PCDHGB6: variants seen among roughly 807,000 people sequenced by gnomAD.
PCDHGB6 encodes protocadherin gamma-B6.
Under a neutral mutation model 59.1 loss-of-function variants are expected in PCDHGB6, and 51 were observed. The observed-to-expected ratio is 0.86, with a 90% CI of 0.69 to 1.09. The LOEUF is 1.09. Among genes scored for constraint, PCDHGB6 ranks in the 50% least tolerant of loss-of-function variants. The pLI is 0.00. For missense variants in PCDHGB6, 1,148 were observed against 1,205.1 expected, an observed-to-expected ratio of 0.95 and a Z score of 0.70; for synonymous variants, 466 against 495.1, an observed-to-expected ratio of 0.94 and a Z score of 0.78.
At chr5:141,458,563 G>T (rs1181785251) in intron 1 of PCDHGB6, among the ~76,000 whole-genome samples, 1 of 140,116 alleles carries the variant, frequency 7.1e-6, no homozygotes, top group Non-Finnish European at 1.5e-5. Context: ...TTTTGGTTTT[G>T]GGTTTTTGTT....
rs138463062 is a variant in PCDHGB6 at position 141,485,217 on chromosome 5, C to G, written c.2419-9590C>G. 6.8e-6 allele frequency: 11 copies of G among 1,613,996 alleles called. No individual in the cohort carries two copies. Among genetic ancestry groups the G allele is most frequent in the Non-Finnish European group, 9.3e-6 (11 of 1,179,978 alleles). ...AGCTGGACAGAAATCTGGCGGTGGGCTACCCTTTTGTTCCTCTTTTACCAC... is the reference window on the plus strand; with the variant it reads ...AGCTGGACAGAAATCTGGCGGTGGGGTACCCTTTTGTTCCTCTTTTACCAC... On this transcript the variant is annotated intron_variant, in intron 1 of 3. Coordinates refer to ENST00000520790, the MANE Select transcript of PCDHGB6 (RefSeq NM_018926.3). This position sits in a 1 kb window ranked among gnomAD's most constrained non-coding sequence, Gnocchi z 5.7.
chr5:141,482,220 G>T (rs945741591), intron 1 of PCDHGB6, among the ~76,000 whole-genome samples: 8 of 152,148 alleles, frequency 5.3e-5, no homozygotes, highest in African/African-American at 1.9e-4. Flanking sequence ...ACTTGTTTTG[G>T]TGTGAAATTG....
At chr5:141,498,826 A>G (rs1186868890) in intron 2 of PCDHGB6, among the ~76,000 whole-genome samples, 1 of 152,006 alleles carries the variant, frequency 6.6e-6, no homozygotes, top group African/African-American at 2.4e-5. Context: ...CCAGCTACTC[A>G]GGAGGCTGAG....
In PCDHGB6 at chr5:141,505,470, C is replaced by T. The variant is rs1241228956; in HGVS notation, c.2555C>T (p.Ala852Val). Reference protein sequence around the residue: ...DTEMLQAMILASASEAADGSS... With the variant: ...DTEMLQAMILVSASEAADGSS... ...GAGATGCTGCAAGCCATGATCTTGG[C>T]GTCCGCCAGTGGTAAGTGGTGTCAG... The change falls in exon 3 of 4, where the codon GCG becomes GTG. Residue 852 changes from alanine (A) to valine (V), a missense_variant. By Grantham distance (64) the Ala-to-Val change is moderately conservative. Around this residue, in one of 5 missense-constraint regions of PCDHGB6, gnomAD observed 283 missense variants for 318.6 expected, o/e 0.89. Transcript: ENST00000520790. 2 of 1,614,068 alleles carry T rather than the reference C, an allele frequency of 1.2e-6. No individual in the cohort carries two copies. Among genetic ancestry groups the T allele is most frequent in the Non-Finnish European group, 8.5e-7 (1 of 1,180,010 alleles).
In PCDHGB6 at chr5:141,478,732, T is replaced by C. The variant is rs772167680; in HGVS notation, c.2419-16075T>C. 7.2e-6 allele frequency: 11 copies of C among 1,537,428 alleles called. No homozygotes were observed. In the South Asian group the frequency reaches 1.2e-4, roughly 17 times the overall value. On this transcript the variant is annotated intron_variant, in intron 1 of 3. Transcript: ENST00000520790. ...GAGATGGTGGCCTGCCAGAGTGTGG[T>C]TTGTGGTCCCATTTCAGGGGGAAGA...
intron 1 of PCDHGB6, among the ~76,000 whole-genome samples, chr5:141,458,063 G>A (rs1011861177): frequency 1.3e-5 from 2 of 152,190 alleles, no homozygotes; most frequent in African/African-American, 4.8e-5. Context: ...CTGCACTGAT[G>A]CGAACAACTA....
rs2099521625 is a variant in PCDHGB6, at chr5:141,480,568, G to A, written c.2419-14239G>A. 2.0e-5 allele frequency among the ~76,000 whole-genome samples: 3 copies of A among 152,338 alleles called. No individual in the cohort carries two copies. The South Asian group carries it at 6.2e-4, about 32-fold the overall frequency. Reference sequence around the variant, plus strand: ...AAAGGCTAAGAAAGCATGAAAGCCAGCAAGAAATAACTGCCGCTCTTCTGG... The same window carrying A: ...AAAGGCTAAGAAAGCATGAAAGCCAACAAGAAATAACTGCCGCTCTTCTGG... On this transcript the variant is annotated intron_variant, in intron 1 of 3. Coordinates refer to ENST00000520790, the MANE Select transcript of PCDHGB6 (RefSeq NM_018926.3).
rs571588941 is a variant in PCDHGB6, at chr5:141,428,181, A to T, written c.2418+17561A>T. The T allele has an allele frequency of 1.2e-4, 181 of 1,486,230 alleles. 2 individuals carry two copies. In the South Asian group the frequency reaches 2.0e-3, roughly 16 times the overall value. The allele number at this position is 1,486,230 out of a possible 1,614,324, so 92.1% of individuals were successfully genotyped here. A position where few individuals can be genotyped will look rare whatever the true frequency, so the allele number is the denominator to read the frequency against. ...CTGGTTGCTGTGCGTGACGGAGGAC[A>T]GCCGCCGCTCTCTGCGCCGCTACGC... On this transcript the variant is annotated intron_variant, in intron 1 of 3. Coordinates refer to ENST00000520790, the MANE Select transcript of PCDHGB6 (RefSeq NM_018926.3).
At chr5:141,466,827 T>C (rs1414741980) in intron 1 of PCDHGB6, among the ~76,000 whole-genome samples, 1 of 152,194 alleles carries the variant, frequency 6.6e-6, no homozygotes, top group Admixed American at 6.5e-5. Context: ...AACAAGTTAG[T>C]ATGGGTTTAT....
intron 1 of PCDHGB6, chr5:141,423,117 G>A (rs1429958385): frequency 6.2e-7 from 1 of 1,613,698 alleles, no homozygotes; most frequent in Non-Finnish European, 8.5e-7. Flanking sequence ...TGCGTACAGC[G>A]CGGGCACTGC....
rs1424346887 is a variant in PCDHGB6, at chr5:141,489,602, T to C, written c.2419-5205T>C. ...CCCCTGGAGCTAATCCGTGTAGAGG[T>C]AGAGATCCTGGATCTCAATGACAAC... On this transcript the variant is annotated intron_variant, in intron 1 of 3. Coordinates refer to ENST00000520790, the MANE Select transcript of PCDHGB6 (RefSeq NM_018926.3). The surrounding 1 kb of genome is among the most constrained non-coding windows in gnomAD (Gnocchi z 4.5). The C allele has an allele frequency of 5.6e-6, 9 of 1,613,754 alleles. No homozygotes were observed. In the African/African-American group the frequency reaches 6.7e-5, roughly 12 times the overall value.
chr5:141,448,524 T>C (rs1177408162), intron 1 of PCDHGB6, among the ~76,000 whole-genome samples: 1 of 152,194 alleles, frequency 6.6e-6, no homozygotes, highest in Non-Finnish European at 1.5e-5. Context: ...TTATTAAGCA[T>C]CCTGTCAGCA....
intron 2 of PCDHGB6, among the ~76,000 whole-genome samples, chr5:141,501,049 A>G (rs1458722311): frequency 1.3e-5 from 2 of 151,844 alleles, no homozygotes; most frequent in African/African-American, 2.4e-5. Flanking sequence ...TTGTATTTTT[A>G]GTAGAGACGG....
chr5:141,420,857 C>T (rs1342820721), intron 1 of PCDHGB6, among the ~76,000 whole-genome samples: 1 of 152,220 alleles, frequency 6.6e-6, no homozygotes, highest in Non-Finnish European at 1.5e-5. Context: ...AAAGTTTTAA[C>T]GTCACATAAT....
intron 1 of PCDHGB6, chr5:141,478,588 T>G (rs2099465964): frequency 6.3e-7 from 1 of 1,575,000 alleles, no homozygotes; most frequent in African/African-American, 1.4e-5. Flanking sequence ...TAGTGCTTTT[T>G]TATTCCTACA....
chr5:141,435,979 C>T (rs1036607924), intron 1 of PCDHGB6, among the ~76,000 whole-genome samples: 4 of 152,008 alleles, frequency 2.6e-5, no homozygotes, highest in Non-Finnish European at 5.9e-5. Flanking sequence ...TGTGGTTCTA[C>T]TTGTGTGATT....
chr5:141,421,051 A>G (rs1330155141), intron 1 of PCDHGB6: 8 of 559,830 alleles, frequency 1.4e-5, no homozygotes, highest in South Asian at 2.6e-5. Flanking sequence ...CCCCGCCTCT[A>G]CCACACAAAG....
chr5:141,491,434 A>T lies in PCDHGB6; in HGVS notation c.2419-3373A>T. 6.2e-7 allele frequency: 1 copy of T among 1,614,032 alleles called. No homozygotes were observed. Among genetic ancestry groups the T allele is most frequent in the Non-Finnish European group, 8.5e-7 (1 of 1,179,988 alleles). On this transcript the variant is annotated intron_variant, in intron 1 of 3. Transcript: ENST00000520790. The surrounding 1 kb of genome is among the most constrained non-coding windows in gnomAD (Gnocchi z 6.9). ...GGACGGGGGTGGAGGGCAGTGCTGC[A>T]GGCGCCAGGACTCACCCTCCCCGGA...
rs377547144 is a variant in PCDHGB6, at chr5:141,409,030, G to A, written c.828G>A (p.Glu276=). The stretch of plus-strand genomic sequence containing the variant: ...ACCAGGATGAGGGGGTCAATGCTGA[G>A]ATAAACTACTACTTCCGAAGCACTG... ...ATDQDEGVNA[E]INYYFRSTAQ... The change falls in exon 1 of 4, where the codon GAG becomes GAA. Residue 276 remains glutamate (E), a synonymous_variant. Transcript: ENST00000520790. 9.9e-6 allele frequency: 16 copies of A among 1,613,892 alleles called. No homozygotes were observed. The African/African-American group carries it at 2.0e-4, about 20-fold the overall frequency.
Sources: allele counts gnomAD v4.1 joint callset (sites outside exome capture counted in the v4.1 genomes callset), GRCh38; gene constraint gnomAD v4.1.1; regional missense constraint gnomAD v4.1.1; non-coding constraint Gnocchi (gnomAD v3.1); transcripts MANE v1.5; gene names NCBI Gene and HGNC (gene_info 2026-07-23, HGNC 2026-07-21).